The following ZBTB45 variants were observed in gnomAD, a reference collection of about 807,000 sequenced individuals.
ZBTB45 encodes zinc finger and BTB domain-containing protein 45.
Under a neutral mutation model 28.4 loss-of-function variants are expected in ZBTB45, and 22 were observed. That is an observed-to-expected ratio of 0.77 (90% CI 0.55 to 1.10). ZBTB45 has a LOEUF of 1.10. Ranked by LOEUF, ZBTB45 falls within the 50% of genes least tolerant of loss-of-function variation. The probability of loss-of-function intolerance (pLI) is 0.00; values close to 1 mark genes in which losing one functional copy is unlikely to be tolerated. For synonymous variants in ZBTB45, 361 were observed against 332.3 expected (o/e 1.09, Z -0.94); for missense variants, 656 against 750.2 (o/e 0.87, Z 1.47).
rs2053497415 is a variant in ZBTB45 at position 58,516,530 on chromosome 19, C to G, written c.1144G>C (p.Ala382Pro). The G allele has an allele frequency of 3.1e-6, 5 of 1,611,408 alleles. No individual in the cohort carries two copies. In the African/African-American group the frequency reaches 4.0e-5, roughly 13 times the overall value. The change falls in exon 2 of 3, where the codon GCT (alanine) becomes CCT (proline). Residue 382 changes from alanine (A) to proline (P), a missense_variant. Coordinates refer to ENST00000594051, the MANE Select transcript of ZBTB45 (RefSeq NM_001316979.2). The surrounding 1 kb of genome is among the most constrained non-coding windows in gnomAD (Gnocchi z 6.2). ...TQLGEVPAPS[A>P]APTTAPSGTP... is the part of the protein sequence containing the mutation. ...CCTGAGGGGGCCGTGGTGGGAGCAG[C>G]AGAGGGAGCCGGGACCTCCCCCAGC...
At chr19:58,538,607 G>C (rs1328595665) in intron 1 of ZBTB45, 1 of 152,250 alleles carries the variant, frequency 6.6e-6, no homozygotes, top group African/African-American at 2.4e-5. Context: ...CGGTCGACGC[G>C]CCCGTGCTGC....
At position 58,517,019 on chromosome 19, in the gene ZBTB45, C is replaced by T. The variant is rs1405805250; in HGVS notation, c.655G>A (p.Asp219Asn). 9.3e-6 allele frequency: 15 copies of T among 1,613,174 alleles called. No individual in the cohort carries two copies. Among genetic ancestry groups the T allele is most frequent in the East Asian group, 2.2e-5 (1 of 44,892 alleles). Residue 219 changes from aspartate (D) to asparagine (N), a missense_variant, in exon 2 of 3, where the codon GAT (aspartate) becomes AAT (asparagine). Asp to Asn is a conservative substitution (Grantham distance 23). This residue lies in a region of ZBTB45 where 448 missense variants were observed against 444.3 expected (regional missense o/e 1.01). Transcript: ENST00000594051. ...CCGCCACCTTCGCCATCCTCGCCAT[C>T]GGTCTCATCGTCACTTTCCTCGTCA... ...EDDEESDDET[D>N]GEDGEGGGPG...
Position 58,516,538 on chromosome 19 carries a change from G to A in ZBTB45, c.1136C>T (p.Ala379Val). 1 of 1,610,430 alleles carries A rather than the reference G, an allele frequency of 6.2e-7. No homozygotes were observed. The highest frequency in any genetic ancestry group is 1.1e-5 in the South Asian group (1 of 90,796). The change falls in exon 2 of 3, where the codon GCT (alanine) becomes GTT (valine). Residue 379 changes from alanine to valine, a missense_variant. By Grantham distance (64) the Ala-to-Val change is moderately conservative (BLOSUM62 0). Coordinates refer to ENST00000594051, the MANE Select transcript of ZBTB45 (RefSeq NM_001316979.2). The surrounding 1 kb of genome is among the most constrained non-coding windows in gnomAD (Gnocchi z 6.2). The stretch of plus-strand genomic sequence containing the variant: ...GGCCGTGGTGGGAGCAGCAGAGGGA[G>A]CCGGGACCTCCCCCAGCTGAGTACT... ...APSTQLGEVP[A>V]PSAAPTTAPS...
At chr19:58,519,465 GCGCCGCACACTCCCGCCACGCCTT>G (rs1431903557) in intron 1 of ZBTB45, 3 of 152,816 alleles carry the variant, frequency 2.0e-5, no homozygotes, top group Admixed American at 6.5e-5. Flanking sequence ...CCCGGGTCCG[GCGCCGCACACTCCCGCCACGCCTT>G]CGCCGCGCCG....
Position 58,514,321 on chromosome 19 carries a change from C to G in ZBTB45, c.1280-11G>C. The G allele has an allele frequency of 6.3e-7, 1 of 1,587,502 alleles. No individual in the cohort carries two copies. Among genetic ancestry groups the G allele is most frequent in the Non-Finnish European group, 8.6e-7 (1 of 1,162,656 alleles). On this transcript the variant is annotated splice_polypyrimidine_tract_variant and intron_variant, in intron 2 of 2. Transcript: ENST00000594051. ...GGTGCGGCTTCTCCCCTGCGGAAGA[C>G]AGGGCGGGCCGCGAACGCAAGTCAG... is the stretch of plus-strand genomic sequence containing the variant.
At chr19:58,526,677 G>A (rs1276914444) in intron 1 of ZBTB45, among the ~76,000 whole-genome samples, 2 of 145,944 alleles carry the variant, frequency 1.4e-5, no homozygotes, top group Non-Finnish European at 3.0e-5. Context: ...GACTACAGGC[G>A]CCCGCCACTA....
exon 1 of ZBTB45, chr19:58,538,847 C>T (rs558860259): frequency 6.6e-6 from 1 of 152,150 alleles, no homozygotes; most frequent in Non-Finnish European, 1.5e-5. Flanking sequence ...AGGGGCACCG[C>T]ACAGGGGGCT....
intron 1 of ZBTB45, among the ~76,000 whole-genome samples, chr19:58,535,017 A>C (rs964883517): frequency 6.6e-6 from 1 of 151,664 alleles, no homozygotes; most frequent in African/African-American, 2.4e-5. Flanking sequence ...TACCACACCC[A>C]GCTAATTTTT....
Position 58,516,682 on chromosome 19 carries a change from A to G in ZBTB45, c.992T>C (p.Leu331Pro). The G allele has an allele frequency of 1.3e-6, 2 of 1,572,262 alleles. No individual in the cohort carries two copies. Among genetic ancestry groups the G allele is most frequent in the Non-Finnish European group, 1.7e-6 (2 of 1,157,746 alleles). The change falls in exon 2 of 3, where the codon CTC (leucine) becomes CCC (proline). Residue 331 changes from leucine to proline, a missense_variant. By Grantham distance (98) the Leu-to-Pro change is moderately conservative (BLOSUM62 -3). Around this residue, in one of 3 missense-constraint regions of ZBTB45, gnomAD observed 448 missense variants for 444.3 expected, o/e 1.01. Transcript: ENST00000594051. This position sits in a 1 kb window ranked among gnomAD's most constrained non-coding sequence, Gnocchi z 6.2. ...AGGGGCACCCAAGTGAAAGGGGAAGAGTGCAACGGGCGGCCCTGGGGTCTT... is the reference window on the plus strand; with the variant it reads ...AGGGGCACCCAAGTGAAAGGGGAAGGGTGCAACGGGCGGCCCTGGGGTCTT... The part of the protein sequence containing the change: ...GVKTPGPPVA[L>P]FPFHLGAPGP...
intron 1 of ZBTB45, among the ~76,000 whole-genome samples, chr19:58,527,236 G>T (rs1212350817): frequency 6.6e-6 from 1 of 152,148 alleles, no homozygotes; most frequent in Non-Finnish European, 1.5e-5. Context: ...GTGTAAGCTT[G>T]GCAGCTCCAG....
chr19:58,538,351 C>G (rs530845110), intron 1 of ZBTB45, among the ~76,000 whole-genome samples: 5 of 152,244 alleles, frequency 3.3e-5, no homozygotes, highest in African/African-American at 9.6e-5. Context: ...TTAACTTTCC[C>G]TATTATCAGA....
chr19:58,530,288 T>C lies in ZBTB45; in HGVS notation c.-1+8413A>G, dbSNP rs1053611965. 2.6e-5 allele frequency among the ~76,000 whole-genome samples: 4 copies of C among 152,158 alleles called. No individual in the cohort carries two copies. In the East Asian group the frequency reaches 5.8e-4, roughly 22 times the overall value. ...ATTTATCCATTAATTAATTACCTAA[T>C]GGACATTTGGGTTGTTTCTACTTTT... On this transcript the variant is annotated intron_variant, in intron 1 of 1. Coordinates refer to the ZBTB45 transcript ENST00000600130.
chr19:58,535,097 T>C (rs2053653813), intron 1 of ZBTB45, among the ~76,000 whole-genome samples: 1 of 151,062 alleles, frequency 6.6e-6, no homozygotes, highest in Non-Finnish European at 1.5e-5. Context: ...GGTCTCGAAC[T>C]CCTGACCTCA....
chr19:58,528,623 A>G (rs113938494), intron 1 of ZBTB45, among the ~76,000 whole-genome samples: 1 of 150,602 alleles, frequency 6.6e-6, no homozygotes, highest in Non-Finnish European at 1.5e-5. Flanking sequence ...GGCTGGGCGC[A>G]GTGGCTCACG....
At chr19:58,526,206 T>TTTA (rs545744378) in intron 1 of ZBTB45, among the ~76,000 whole-genome samples, 27 of 151,688 alleles carry the variant, frequency 1.8e-4, no homozygotes, top group African/African-American at 4.1e-4. Flanking sequence ...GTGCCTGGAC[T>TTTA]TTATTATTAT....
At chr19:58,524,796 T>C (rs1431195759), upstream of ZBTB45, among the ~76,000 whole-genome samples, 1 of 150,852 alleles carries the variant, frequency 6.6e-6, no homozygotes, top group Admixed American at 6.6e-5. Flanking sequence ...GGCAGGAGAA[T>C]GGCGTGAACC....
At position 58,514,002 on chromosome 19, in the gene ZBTB45, A is replaced by C. The variant is rs1284834071; in HGVS notation, c.*52T>G. 3.7e-6 allele frequency: 5 copies of C among 1,352,672 alleles called. No homozygotes were observed. The highest frequency in any genetic ancestry group is 4.7e-6 in the Non-Finnish European group (5 of 1,058,538). The allele number at this position is 1,352,672 out of a possible 1,614,324, so 83.8% of individuals were successfully genotyped here. On this transcript the variant is annotated 3_prime_UTR_variant, in exon 3 of 3. Transcript: ENST00000594051. ...ACGGGTCCCGCAGCGGGCGTGGCCG[A>C]CTGTGCGGGAGGCCCCGGATCCACC...
At position 58,515,578 on chromosome 19, in the gene ZBTB45, A is replaced by G. The variant is rs985801620; in HGVS notation, c.1279+817T>C. Among the ~76,000 whole-genome samples the G allele has an allele frequency of 1.4e-4, 21 of 152,090 alleles. No homozygotes were observed. The highest frequency in any genetic ancestry group is 1.3e-4 in the Non-Finnish European group (9 of 68,006). ...CAGTCACTCCCCAGCTTAGAACACC[A>G]TGGCTTCCCCACCACTCACAGTCAA... On this transcript the variant is annotated intron_variant, in intron 2 of 2. Transcript: ENST00000594051. The surrounding 1 kb of genome is among the most constrained non-coding windows in gnomAD (Gnocchi z 4.7).
At chr19:58,536,196 C>T (rs771380638) in intron 1 of ZBTB45, among the ~76,000 whole-genome samples, 8 of 151,676 alleles carry the variant, frequency 5.3e-5, no homozygotes, top group Admixed American at 1.3e-4. Context: ...CTGGGTATGA[C>T]GGTGCACGCC....
Sources: allele counts gnomAD v4.1 joint callset (sites outside exome capture counted in the v4.1 genomes callset), GRCh38; gene constraint gnomAD v4.1.1; regional missense constraint gnomAD v4.1.1; non-coding constraint Gnocchi (gnomAD v3.1); transcripts MANE v1.5; gene names NCBI Gene and HGNC (gene_info 2026-07-23, HGNC 2026-07-21).